The following TRPC5 variants were observed in gnomAD, a reference collection of about 807,000 sequenced individuals.
TRPC5 encodes short transient receptor potential channel 5.
TRPC5 carries 9 observed loss-of-function variants against 56.5 expected under a neutral mutation model. That is an observed-to-expected ratio of 0.16 (90% CI 0.10 to 0.28). The LOEUF (loss-of-function observed/expected upper bound fraction) is 0.28. Ranked by LOEUF, TRPC5 falls within the 10% of genes least tolerant of loss-of-function variation. TRPC5 has a pLI of 1.00. For missense variants in TRPC5, 469 were observed against 748.9 expected, an observed-to-expected ratio of 0.63 and a Z score of 4.36; for synonymous variants, 282 against 278.5, an observed-to-expected ratio of 1.01 and a Z score of -0.13.
chrX:111,942,393 A>G (rs1048719157), intron 2 of TRPC5, among the ~76,000 whole-genome samples: 3 of 109,916 alleles, frequency 2.7e-5, no homozygotes, highest in Non-Finnish European at 5.7e-5. Context: ...CTAGATAGAC[A>G]CTACTTGTAG....
intron 2 of TRPC5, among the ~76,000 whole-genome samples, chrX:111,919,906 G>T (rs1321190834): frequency 2.7e-5 from 3 of 112,366 alleles, no homozygotes; most frequent in South Asian, 3.7e-4. Flanking sequence ...CCTGCAGGTC[G>T]CAGGTTTGAT....
At chrX:111,937,862 GT>G (rs1313748811) in intron 2 of TRPC5, among the ~76,000 whole-genome samples, 3 of 106,872 alleles carry the variant, frequency 2.8e-5, no homozygotes, top group Non-Finnish European at 5.8e-5. Context: ...CTTTAAAGTA[GT>G]TTTTTCCAAT....
chrX:111,840,681 A>G (rs1922705797), intron 6 of TRPC5, among the ~76,000 whole-genome samples: 1 of 111,918 alleles, frequency 8.9e-6, no homozygotes, highest in Admixed American at 9.6e-5. Flanking sequence ...TATCAGAGGT[A>G]GAGTTTGTAC....
chrX:111,853,612 A>G (rs1162932447), intron 4 of TRPC5, among the ~76,000 whole-genome samples, 158 bp downstream of exon 4: 1 of 111,704 alleles, frequency 9.0e-6, no homozygotes, highest in African/African-American at 3.3e-5. Flanking sequence ...GGACAGAAGG[A>G]ACTACATTTC....
Position 112,067,816 on chromosome X carries a change from C to G in TRPC5, c.-22+14063G>C, listed in dbSNP as rs756704970. Among the ~76,000 whole-genome samples the G allele has an allele frequency of 5.3e-5, 6 of 112,262 alleles. No homozygotes were observed. The East Asian group carries it at 1.1e-3, about 21-fold the overall frequency. On this transcript the variant is annotated intron_variant, in intron 1 of 10. Coordinates refer to ENST00000262839, the MANE Select transcript of TRPC5 (RefSeq NM_012471.3). ...AACAGTGAAGGGGATGGGAGGAACGCCAGGTGCATCTCTCCTGGCCATTTA... is the reference window on the plus strand; with the variant it reads ...AACAGTGAAGGGGATGGGAGGAACGGCAGGTGCATCTCTCCTGGCCATTTA...
intron 6 of TRPC5, 38 bp downstream of exon 6, chrX:111,847,076 A>C: frequency 1.7e-6 from 2 of 1,157,786 alleles, no homozygotes; most frequent in African/African-American, 1.8e-5. Flanking sequence ...AATGGCAAAA[A>C]AAAAAATAAA....
chrX:112,077,325 C>T (rs749179073), intron 1 of TRPC5, among the ~76,000 whole-genome samples: 1 of 112,025 alleles, frequency 8.9e-6, no homozygotes, highest in African/African-American at 3.2e-5. Flanking sequence ...ATAAGTGGAC[C>T]TGGAAAAAGT....
intron 2 of TRPC5, among the ~76,000 whole-genome samples, chrX:111,946,666 C>T: frequency 8.9e-6 from 1 of 112,488 alleles, no homozygotes; most frequent in Middle Eastern, 4.6e-3. Flanking sequence ...GGAAAATTCA[C>T]TTAACTCTTT....
intron 3 of TRPC5, among the ~76,000 whole-genome samples, chrX:111,897,423 T>G (rs1925120305): frequency 9.0e-6 from 1 of 111,158 alleles, no homozygotes; most frequent in Non-Finnish European, 1.9e-5. Flanking sequence ...TGTACAAATC[T>G]TTAGAGTACC....
intron 2 of TRPC5, among the ~76,000 whole-genome samples, chrX:111,925,034 A>T (rs1392316329): frequency 5.3e-5 from 6 of 113,016 alleles, no homozygotes; most frequent in Non-Finnish European, 1.9e-5. Context: ...CACAGGAGAA[A>T]GTAAGGGACA....
chrX:112,067,892 C>A (rs951481624), intron 1 of TRPC5, among the ~76,000 whole-genome samples: 3 of 112,262 alleles, frequency 2.7e-5, no homozygotes, highest in African/African-American at 9.7e-5. Flanking sequence ...TTAACCGAAT[C>A]CTTGATGATC....
At chrX:112,008,816 G>A (rs1045312134) in intron 1 of TRPC5, among the ~76,000 whole-genome samples, 2 of 111,510 alleles carry the variant, frequency 1.8e-5, no homozygotes, top group African/African-American at 6.5e-5. Context: ...CATATCAAAT[G>A]TTTGATAAAT....
chrX:112,009,638 A>C (rs1461576091), intron 1 of TRPC5, among the ~76,000 whole-genome samples: 1 of 111,991 alleles, frequency 8.9e-6, no homozygotes, highest in East Asian at 2.8e-4. Flanking sequence ...GCATAAAGGC[A>C]AGGGAAAACC....
intron 7 of TRPC5, among the ~76,000 whole-genome samples, chrX:111,833,317 C>A (rs188182458): frequency 9.0e-6 from 1 of 111,183 alleles, no homozygotes; most frequent in Non-Finnish European, 1.9e-5. Context: ...GATTTCAATA[C>A]CCTCACTTTT....
At chrX:111,999,897 C>T (rs1465992780) in intron 1 of TRPC5, among the ~76,000 whole-genome samples, 3 of 111,094 alleles carry the variant, frequency 2.7e-5, no homozygotes, top group Admixed American at 9.6e-5. Context: ...ACCTGGGAGT[C>T]GGAGGTTGCC....
chrX:111,821,421 A>G (rs1011933083), intron 7 of TRPC5, among the ~76,000 whole-genome samples: 1 of 111,690 alleles, frequency 9.0e-6, no homozygotes, highest in African/African-American at 3.3e-5. Context: ...GACAGCTGAG[A>G]TAACGTAATT....
At chrX:111,863,218 G>A (rs1390384401) in intron 3 of TRPC5, among the ~76,000 whole-genome samples, 2 of 111,863 alleles carry the variant, frequency 1.8e-5, no homozygotes, top group African/African-American at 6.5e-5. Flanking sequence ...TTTGGCAAGG[G>A]TTAAAACAGA....
chrX:111,800,403 G>T (rs1186340325), intron 7 of TRPC5, among the ~76,000 whole-genome samples: 1 of 111,716 alleles, frequency 9.0e-6, no homozygotes, highest in Non-Finnish European at 1.9e-5. Flanking sequence ...AGGCCGAGGA[G>T]GGTGGATCAC....
At chrX:111,823,662 C>A (rs1922099147) in intron 7 of TRPC5, among the ~76,000 whole-genome samples, 1 of 110,572 alleles carries the variant, frequency 9.0e-6, no homozygotes, top group Non-Finnish European at 1.9e-5. Flanking sequence ...AGCTAGTTGG[C>A]GTGTGTTGGG....
Sources: allele counts gnomAD v4.1 joint callset (sites outside exome capture counted in the v4.1 genomes callset), GRCh38; gene constraint gnomAD v4.1.1; transcripts MANE v1.5; gene names NCBI Gene and HGNC (gene_info 2026-07-23, HGNC 2026-07-21).